Variants in KCNMA1 observed in about 807,000 individuals in gnomAD.
KCNMA1 encodes the protein potassium calcium-activated channel subfamily M alpha 1.
A neutral mutation model predicts 140.0 loss-of-function variants in KCNMA1; 29 were observed. The observed-to-expected ratio is 0.21, with a 90% CI of 0.15 to 0.28. The LOEUF (loss-of-function observed/expected upper bound fraction) is 0.28. KCNMA1 is among the 10% of genes least tolerant of loss of function. The pLI is 1.00. For missense variants in KCNMA1, 880 were observed against 1,602.2 expected (o/e 0.55, Z 7.70); for synonymous variants, 612 against 611.9 (o/e 1.00, Z 0.00).
At chr10:77,533,965 A>T (rs964161835) in intron 1 of KCNMA1, among the ~76,000 whole-genome samples, 1 of 152,092 alleles carries the variant, frequency 6.6e-6, no homozygotes, top group African/African-American at 2.4e-5. Context: ...CTCTTGCTCC[A>T]TCTATGCCAA....
intron 15 of KCNMA1, 68 bp downstream of exon 15, chr10:77,039,460 G>A (rs2094526066): frequency 1.1e-6 from 1 of 912,510 alleles, no homozygotes; most frequent in South Asian, 1.3e-5. Flanking sequence ...AGAGGTGGGA[G>A]GCTTCCTTGC....
chr10:77,466,524 G>C (rs2154526689), intron 1 of KCNMA1, among the ~76,000 whole-genome samples: 1 of 152,306 alleles, frequency 6.6e-6, no homozygotes, highest in African/African-American at 2.4e-5. Context: ...TTATTCTCTA[G>C]TGAGAGACAA....
chr10:77,500,942 G>A (rs1020181543), intron 1 of KCNMA1, among the ~76,000 whole-genome samples: 8 of 152,158 alleles, frequency 5.3e-5, no homozygotes, highest in Admixed American at 5.2e-4. Flanking sequence ...TACCTCAAAT[G>A]GAAACTTATT....
chr10:77,083,494 T>G, intron 12 of KCNMA1, among the ~76,000 whole-genome samples: 1 of 132,712 alleles, frequency 7.5e-6, no homozygotes, highest in Non-Finnish European at 1.6e-5. Context: ...CTCCCCTAGA[T>G]GTTCTGTAAA....
intron 1 of KCNMA1, among the ~76,000 whole-genome samples, chr10:77,445,437 C>T (rs754066809): frequency 3.3e-5 from 5 of 151,320 alleles, no homozygotes; most frequent in Non-Finnish European, 5.9e-5. Flanking sequence ...TCAAAAGAAA[C>T]TATGGTTGAT....
chr10:77,187,572 TGA>T (rs962781209), intron 3 of KCNMA1, among the ~76,000 whole-genome samples: 6 of 152,208 alleles, frequency 3.9e-5, no homozygotes, highest in Admixed American at 3.3e-4. Flanking sequence ...AGGAAGTAAA[TGA>T]TGCCGCTGGC....
At chr10:77,508,721 G>A (rs902859958) in intron 1 of KCNMA1, among the ~76,000 whole-genome samples, 4 of 150,068 alleles carry the variant, frequency 2.7e-5, no homozygotes, top group Non-Finnish European at 4.4e-5. Flanking sequence ...CATTCACATT[G>A]TGGTGCAACT....
intron 23 of KCNMA1, among the ~76,000 whole-genome samples, chr10:76,926,749 G>C (rs1263254145): frequency 6.6e-6 from 1 of 152,132 alleles, no homozygotes; most frequent in Non-Finnish European, 1.5e-5. Flanking sequence ...TTCTTTTAAG[G>C]AAGTGGAACA....
At chr10:77,221,143 C>T (rs1278680600) in intron 3 of KCNMA1, among the ~76,000 whole-genome samples, 1 of 152,210 alleles carries the variant, frequency 6.6e-6, no homozygotes, top group Non-Finnish European at 1.5e-5. Flanking sequence ...ATTGCTTTTA[C>T]TGCTTGCTAA....
intron 1 of KCNMA1, among the ~76,000 whole-genome samples, chr10:77,408,258 C>T (rs1448045310): frequency 1.3e-5 from 2 of 152,172 alleles, no homozygotes; most frequent in Admixed American, 6.5e-5. Flanking sequence ...TTCCAAATAG[C>T]AAAGGGGATA....
At chr10:77,285,101 C>G (rs1345273501) in intron 2 of KCNMA1, among the ~76,000 whole-genome samples, 1 of 152,060 alleles carries the variant, frequency 6.6e-6, no homozygotes, top group Non-Finnish European at 1.5e-5. Flanking sequence ...TAAAATCTAC[C>G]AAGTTAAGTA....
intron 14 of KCNMA1, among the ~76,000 whole-genome samples, chr10:77,072,605 G>C (rs1313604681): frequency 6.6e-6 from 1 of 152,042 alleles, no homozygotes. Flanking sequence ...AAACAACCGC[G>C]GCATGTCAGT....
intron 1 of KCNMA1, among the ~76,000 whole-genome samples, chr10:77,487,999 T>C (rs2098481024): frequency 6.6e-6 from 1 of 152,232 alleles, no homozygotes; most frequent in Non-Finnish European, 1.5e-5. Context: ...AGACACCTTC[T>C]GCAATATGGG....
At chr10:77,622,529 C>T (rs915984944) in intron 1 of KCNMA1, among the ~76,000 whole-genome samples, 1 of 152,182 alleles carries the variant, frequency 6.6e-6, no homozygotes, top group Non-Finnish European at 1.5e-5. Flanking sequence ...CCACCGAATT[C>T]ACTGGGTTGT....
chr10:77,121,192 T>A, intron 5 of KCNMA1, 144 bp from the exon 6 acceptor site: 1 of 675,526 alleles, frequency 1.5e-6, no homozygotes, highest in Non-Finnish European at 2.7e-6. Context: ...CTCAGACATA[T>A]TCCTTCATTC....
At chr10:76,980,788 C>T (rs1431096809) in intron 19 of KCNMA1, among the ~76,000 whole-genome samples, 2 of 152,032 alleles carry the variant, frequency 1.3e-5, no homozygotes, top group African/African-American at 4.8e-5. Context: ...GTACCATCCC[C>T]GAAATAAAGA....
intron 1 of KCNMA1, among the ~76,000 whole-genome samples, chr10:77,434,156 C>T (rs889991981): frequency 5.3e-5 from 8 of 152,238 alleles, no homozygotes; most frequent in Non-Finnish European, 1.2e-4. Flanking sequence ...CAAGCTCAGG[C>T]CAGCGCTACA....
intron 14 of KCNMA1, among the ~76,000 whole-genome samples, chr10:77,050,510 G>T (rs2095321990): frequency 6.6e-6 from 1 of 152,134 alleles, no homozygotes; most frequent in African/African-American, 2.4e-5. Context: ...GTGTCTGAGG[G>T]CTTACTTAGT....
intron 1 of KCNMA1, among the ~76,000 whole-genome samples, chr10:77,485,383 G>A (rs371150739): frequency 2.0e-5 from 3 of 152,254 alleles, no homozygotes; most frequent in Non-Finnish European, 2.9e-5. Context: ...CACTGTTCCC[G>A]TTTCTAATTT....
Sources: allele counts gnomAD v4.1 joint callset (sites outside exome capture counted in the v4.1 genomes callset), GRCh38; gene constraint gnomAD v4.1.1; transcripts MANE v1.5; gene names NCBI Gene and HGNC (gene_info 2026-07-23, HGNC 2026-07-21).